MACROD2: variants seen among roughly 807,000 people sequenced by gnomAD.
MACROD2 encodes the protein mono-ADP ribosylhydrolase 2.
A neutral mutation model predicts 70.4 loss-of-function variants in MACROD2; 36 were observed. The ratio of observed to expected loss-of-function variants is 0.51; its 90% CI spans 0.39 to 0.68. The LOEUF is 0.68. MACROD2 is among the 30% of genes least tolerant of loss of function. MACROD2 has a pLI of 0.00. For missense variants in MACROD2, 496 were observed against 538.4 expected, an observed-to-expected ratio of 0.92 and a Z score of 0.78; for synonymous variants, 172 against 178.8, an observed-to-expected ratio of 0.96 and a Z score of 0.30.
chr20:15,007,509 G>C (rs549899115), intron 5 of MACROD2, among the ~76,000 whole-genome samples: 1 of 152,326 alleles, frequency 6.6e-6, no homozygotes, highest in South Asian at 2.1e-4. Flanking sequence ...GTACAAGAAT[G>C]AGAACTTGGA....
At chr20:15,125,187 C>T (rs368929770) in intron 5 of MACROD2, among the ~76,000 whole-genome samples, 2 of 151,952 alleles carry the variant, frequency 1.3e-5, no homozygotes, top group Admixed American at 6.6e-5. Flanking sequence ...AAGTTCTCAT[C>T]GACTGCATGG....
At chr20:14,357,763 T>C (rs920746222) in intron 3 of MACROD2, among the ~76,000 whole-genome samples, 1 of 152,190 alleles carries the variant, frequency 6.6e-6, no homozygotes, top group African/African-American at 2.4e-5. Context: ...GCAGTTTCTA[T>C]TCATCTGTCA....
At chr20:14,595,602 G>A (rs1375428927) in intron 4 of MACROD2, among the ~76,000 whole-genome samples, 2 of 152,118 alleles carry the variant, frequency 1.3e-5, no homozygotes, top group South Asian at 2.1e-4. Context: ...ATCACTGACC[G>A]AATTAGTAAC....
At chr20:14,211,175 A>G (rs2081568147) in intron 3 of MACROD2, among the ~76,000 whole-genome samples, 1 of 152,170 alleles carries the variant, frequency 6.6e-6, no homozygotes, top group Non-Finnish European at 1.5e-5. Flanking sequence ...AATTGGGCAA[A>G]GAAGAGTGGT....
intron 8 of MACROD2, among the ~76,000 whole-genome samples, chr20:15,677,935 G>A (rs1392420927): frequency 6.6e-6 from 1 of 151,928 alleles, no homozygotes; most frequent in African/African-American, 2.4e-5. Context: ...CATGGTGGTG[G>A]GCACCTGTAA....
chr20:14,530,929 G>A (rs2085295618), intron 4 of MACROD2, among the ~76,000 whole-genome samples: 1 of 152,162 alleles, frequency 6.6e-6, no homozygotes, highest in South Asian at 2.1e-4. Context: ...GCAAAAGGTG[G>A]TTGTTAATAA....
chr20:15,911,302 C>T (rs575066917), intron 10 of MACROD2, among the ~76,000 whole-genome samples: 19 of 152,164 alleles, frequency 1.2e-4, no homozygotes, highest in Non-Finnish European at 2.5e-4. Context: ...GGAAAATAGA[C>T]GGTATGCCTT....
In MACROD2 at chr20:15,640,212, A is replaced by G. The variant is rs557809812; in HGVS notation, c.645+140365A>G. Among the ~76,000 whole-genome samples, 10 of 152,190 alleles carry G rather than the reference A, an allele frequency of 6.6e-5. No homozygotes were observed. The South Asian group carries it at 1.5e-3, about 22-fold the overall frequency. On this transcript the variant is annotated intron_variant, in intron 8 of 17. Coordinates refer to ENST00000684519, the MANE Select transcript of MACROD2 (RefSeq NM_001351661.2). ...AAAGAGAAAAAGATGGTGAGGGAGA[A>G]CACATGCTAGAATAAGGCAGATACA...
chr20:14,120,234 A>AAAG (rs1555922267), intron 3 of MACROD2, among the ~76,000 whole-genome samples: 5 of 147,506 alleles, frequency 3.4e-5, no homozygotes, highest in Middle Eastern at 3.2e-3. Context: ...AAAAAAAAAA[A>AAAG]GAAGAAGACA....
intron 4 of MACROD2, among the ~76,000 whole-genome samples, chr20:14,676,933 A>G (rs75078026): frequency 0.011 from 1,606 of 152,316 alleles, 23 homozygotes; most frequent in African/African-American, 0.035. Context: ...GCCAATTTCT[A>G]AAATAACTGG....
intron 5 of MACROD2, among the ~76,000 whole-genome samples, chr20:14,940,214 G>A (rs1344962328): frequency 6.8e-6 from 1 of 148,042 alleles, no homozygotes; most frequent in Non-Finnish European, 1.5e-5. Flanking sequence ...CATGCCTGTA[G>A]TCCCAACTAG....
At chr20:15,448,040 A>G (rs995355985) in intron 7 of MACROD2, among the ~76,000 whole-genome samples, 45 of 152,200 alleles carry the variant, frequency 3.0e-4, no homozygotes, top group African/African-American at 7.7e-4. Context: ...TTGGAATACA[A>G]TGTTACAGGC....
chr20:15,134,515 C>T (rs1387318404), intron 5 of MACROD2, among the ~76,000 whole-genome samples: 1 of 152,006 alleles, frequency 6.6e-6, no homozygotes, highest in Non-Finnish European at 1.5e-5. Context: ...TTCTTTGAAA[C>T]CAATGAGAAC....
rs187895399 is a variant in MACROD2, at chr20:15,727,507, G to A, written c.646-135238G>A. Among the ~76,000 whole-genome samples the A allele has an allele frequency of 1.9e-4, 29 of 152,184 alleles. No individual in the cohort carries two copies. The East Asian group carries it at 5.6e-3, about 29-fold the overall frequency. On this transcript the variant is annotated intron_variant, in intron 8 of 17. Transcript: ENST00000684519. ...TTGGTAGTTTGATAGGAATAGCATT[G>A]AGTTGGTAGCTTGCTTTGGGAAGTG...
chr20:15,880,634 G>A (rs1170027175), intron 9 of MACROD2, among the ~76,000 whole-genome samples: 1 of 151,938 alleles, frequency 6.6e-6, no homozygotes, highest in Non-Finnish European at 1.5e-5. Context: ...TAGGCCACTT[G>A]GGAAGCAAGG....
chr20:14,059,139 C>T (rs538590714), intron 2 of MACROD2, among the ~76,000 whole-genome samples: 2 of 152,234 alleles, frequency 1.3e-5, no homozygotes, highest in East Asian at 3.9e-4. Context: ...ACATTAATTT[C>T]CCCAGTTTAA....
intron 5 of MACROD2, among the ~76,000 whole-genome samples, chr20:15,160,530 A>G (rs2076341248): frequency 6.6e-6 from 1 of 152,116 alleles, no homozygotes; most frequent in Non-Finnish European, 1.5e-5. Context: ...TGTCACACCT[A>G]TGAATCATTT....
chr20:15,388,500 A>G (rs1393085832), intron 6 of MACROD2, among the ~76,000 whole-genome samples: 1 of 152,180 alleles, frequency 6.6e-6, no homozygotes, highest in Non-Finnish European at 1.5e-5. Flanking sequence ...TTTCAGATAA[A>G]CATCACATTA....
At chr20:14,500,460 C>T (rs2084904401) in intron 4 of MACROD2, among the ~76,000 whole-genome samples, 1 of 152,228 alleles carries the variant, frequency 6.6e-6, no homozygotes, top group Admixed American at 6.5e-5. Flanking sequence ...CTTCATTCCA[C>T]ATGAACTTGT....
Sources: allele counts gnomAD v4.1 joint callset (sites outside exome capture counted in the v4.1 genomes callset), GRCh38; gene constraint gnomAD v4.1.1; transcripts MANE v1.5; gene names NCBI Gene and HGNC (gene_info 2026-07-23, HGNC 2026-07-21).